Variants in LRP1B observed in about 807,000 individuals in gnomAD.
LRP1B encodes the protein low-density lipoprotein receptor-related protein 1B.
Under a neutral mutation model 556.6 loss-of-function variants are expected in LRP1B, and 217 were observed. The ratio of observed to expected loss-of-function variants is 0.39; its 90% CI spans 0.35 to 0.44. LRP1B has a LOEUF of 0.44. Among genes scored for constraint, LRP1B ranks in the 20% least tolerant of loss-of-function variants. LRP1B has a pLI of 1.00. For synonymous variants in LRP1B, 2,047 were observed against 1,865.8 expected, an observed-to-expected ratio of 1.10 and a Z score of -2.50; for missense variants, 5,053 against 5,620.8, an observed-to-expected ratio of 0.90 and a Z score of 3.23.
intron 2 of LRP1B, among the ~76,000 whole-genome samples, chr2:141,733,983 A>G (rs762544516): frequency 2.0e-5 from 3 of 152,126 alleles, no homozygotes; most frequent in Non-Finnish European, 2.9e-5. Flanking sequence ...GAGTTTAGTG[A>G]CTATGTCTTC....
At position 140,513,404 on chromosome 2, in the gene LRP1B, C is replaced by T. The variant is rs867782594; in HGVS notation, c.8269+1249G>A. Among the ~76,000 whole-genome samples the T allele has an allele frequency of 1.1e-4, 16 of 152,116 alleles. No individual in the cohort carries two copies. In the South Asian group the frequency reaches 1.9e-3, roughly 18 times the overall value. ...GATAATTTTAGAGATTGAAACAGTG[C>T]TCATCCTATTGTAAATAGGTAATTC... On this transcript the variant is annotated intron_variant, in intron 51 of 90. Coordinates refer to ENST00000389484, the MANE Select transcript of LRP1B (RefSeq NM_018557.3).
chr2:141,205,398 T>A (rs1020515684), intron 6 of LRP1B, among the ~76,000 whole-genome samples: 1 of 152,208 alleles, frequency 6.6e-6, no homozygotes, highest in Admixed American at 6.5e-5. Flanking sequence ...ATAGGATAGA[T>A]AACAATGAGA....
chr2:141,607,029 T>C (rs944338249), intron 2 of LRP1B, among the ~76,000 whole-genome samples: 9 of 151,988 alleles, frequency 5.9e-5, no homozygotes, highest in Non-Finnish European at 1.2e-4. Flanking sequence ...AACAAATATG[T>C]TTTCAGTACC....
intron 2 of LRP1B, among the ~76,000 whole-genome samples, chr2:141,773,324 G>C (rs1219116613): frequency 6.6e-6 from 1 of 151,946 alleles, no homozygotes; most frequent in Non-Finnish European, 1.5e-5. Flanking sequence ...AAAATTCTGG[G>C]GAATACATCA....
At chr2:140,720,157 C>T (rs1003519066) in intron 35 of LRP1B, among the ~76,000 whole-genome samples, 2 of 151,864 alleles carry the variant, frequency 1.3e-5, no homozygotes, top group African/African-American at 4.8e-5. Context: ...TCAATAGATA[C>T]TTATGGAATT....
intron 83 of LRP1B, among the ~76,000 whole-genome samples, chr2:140,305,100 GC>G (rs1224508944): frequency 2.0e-5 from 3 of 152,136 alleles, no homozygotes; most frequent in Admixed American, 6.6e-5. Flanking sequence ...GATGCCTCCA[GC>G]TTTGTTCTTT....
intron 3 of LRP1B, among the ~76,000 whole-genome samples, chr2:141,440,131 G>T (rs1288980232): frequency 6.6e-6 from 1 of 152,184 alleles, no homozygotes; most frequent in African/African-American, 2.4e-5. Flanking sequence ...CCTCCCTGTG[G>T]CATGGGAATC....
chr2:140,340,235 A>G (rs1432253606), intron 77 of LRP1B, among the ~76,000 whole-genome samples: 1 of 151,590 alleles, frequency 6.6e-6, no homozygotes, highest in African/African-American at 2.4e-5. Flanking sequence ...ATTTGGAATC[A>G]GAAGAACTGA....
At chr2:140,914,470 G>T (rs1694515679) in intron 21 of LRP1B, among the ~76,000 whole-genome samples, 1 of 152,120 alleles carries the variant, frequency 6.6e-6, no homozygotes, top group African/African-American at 2.4e-5. Context: ...AGAGAAAGTA[G>T]AATGTTCAGC....
At chr2:142,072,013 C>G (rs1302128034) in intron 1 of LRP1B, among the ~76,000 whole-genome samples, 2 of 151,912 alleles carry the variant, frequency 1.3e-5, no homozygotes, top group Non-Finnish European at 2.9e-5. Flanking sequence ...ATCTTTGATT[C>G]TTTCCTCTCC....
chr2:140,671,159 T>G (rs1685465611), intron 41 of LRP1B, among the ~76,000 whole-genome samples: 1 of 152,246 alleles, frequency 6.6e-6, no homozygotes, highest in Admixed American at 6.5e-5. Context: ...GTCTACAATC[T>G]GTATCATTGA....
chr2:141,262,372 G>T (rs1328115756), intron 3 of LRP1B, among the ~76,000 whole-genome samples: 2 of 151,692 alleles, frequency 1.3e-5, no homozygotes, highest in African/African-American at 4.8e-5. Context: ...GTTTCTCCTA[G>T]CCTATAGTTT....
chr2:140,991,852 T>G (rs1697101754), intron 16 of LRP1B, among the ~76,000 whole-genome samples: 1 of 152,026 alleles, frequency 6.6e-6, no homozygotes, highest in Non-Finnish European at 1.5e-5. Context: ...ATAGTTCAAG[T>G]TGATAAAAAT....
intron 31 of LRP1B, among the ~76,000 whole-genome samples, chr2:140,822,959 T>C (rs886959090): frequency 2.0e-5 from 3 of 152,200 alleles, no homozygotes; most frequent in East Asian, 1.9e-4. Context: ...AGATGATTAA[T>C]GCAAAGCATT....
intron 1 of LRP1B, among the ~76,000 whole-genome samples, chr2:141,852,907 T>C (rs182269423): frequency 4.7e-5 from 7 of 149,064 alleles, no homozygotes; most frequent in Admixed American, 2.7e-4. Context: ...AAAAAAGAAA[T>C]GAAAAAAACT....
At chr2:142,059,864 T>C (rs993030105) in intron 1 of LRP1B, among the ~76,000 whole-genome samples, 1 of 152,114 alleles carries the variant, frequency 6.6e-6, no homozygotes, top group African/African-American at 2.4e-5. Context: ...TTTACCTTTT[T>C]CTTGAAATCA....
Position 140,345,884 on chromosome 2 carries a change from A to G in LRP1B, c.11892+4913T>C, listed in dbSNP as rs1469236935. Among the ~76,000 whole-genome samples, 2 of 146,606 alleles carry G rather than the reference A, an allele frequency of 1.4e-5. 1 individual carries two copies. Among genetic ancestry groups the G allele is most frequent in the Non-Finnish European group, 3.0e-5 (2 of 66,542 alleles). On this transcript the variant is annotated intron_variant, in intron 77 of 90. Coordinates refer to ENST00000389484, the MANE Select transcript of LRP1B (RefSeq NM_018557.3). Reference sequence around the variant, plus strand: ...CACATATATATATATATATAAAAAAAATAGCATTACTTCTTTCTCATCTCA... The same window carrying G: ...CACATATATATATATATATAAAAAAGATAGCATTACTTCTTTCTCATCTCA...
chr2:141,487,511 T>A (rs531139814), intron 2 of LRP1B, among the ~76,000 whole-genome samples: 14 of 152,302 alleles, frequency 9.2e-5, no homozygotes, highest in African/African-American at 2.2e-4. Flanking sequence ...CTCTCAAAAT[T>A]ATAATGGTTC....
chr2:140,880,918 C>T (rs1300652886), intron 25 of LRP1B, among the ~76,000 whole-genome samples: 1 of 152,052 alleles, frequency 6.6e-6, no homozygotes, highest in African/African-American at 2.4e-5. Flanking sequence ...AGTATATATT[C>T]AAAGAGGCTT....
Sources: gnomAD v4.1 joint callset for allele counts (sites outside exome capture counted in the v4.1 genomes callset) on GRCh38, gnomAD v4.1.1 for gene constraint, MANE v1.5 for transcripts, NCBI Gene and HGNC (gene_info 2026-07-23, HGNC 2026-07-21) for gene names.